The following CECR2 variants were observed in gnomAD, a reference collection of about 807,000 sequenced individuals.
CECR2 encodes the protein chromatin remodeling regulator CECR2.
In CECR2, 30 loss-of-function variants were observed where a neutral mutation model predicts 154.5. That is an observed-to-expected ratio of 0.19 (90% CI 0.15 to 0.26). The LOEUF (loss-of-function observed/expected upper bound fraction) is 0.26, where lower values mean the gene tolerates loss of function less well. Ranked by LOEUF, CECR2 falls within the 10% of genes least tolerant of loss-of-function variation. CECR2 has a pLI of 1.00. For synonymous variants in CECR2, 725 were observed against 683.7 expected, an observed-to-expected ratio of 1.06 and a Z score of -0.94; for missense variants, 1,743 against 1,829.3, an observed-to-expected ratio of 0.95 and a Z score of 0.86.
intron 16 of CECR2, among the ~76,000 whole-genome samples, chr22:17,544,696 G>A (rs926232561): frequency 6.7e-6 from 1 of 148,546 alleles, no homozygotes; most frequent in African/African-American, 2.5e-5. Flanking sequence ...TGTAGTCCCA[G>A]CTACTCAGGG....
intron 1 of CECR2, among the ~76,000 whole-genome samples, chr22:17,466,358 T>G (rs2055032194): frequency 6.6e-6 from 1 of 152,236 alleles, no homozygotes. Flanking sequence ...TACTCAAAAT[T>G]AAAACAATTG....
chr22:17,462,505 C>T (rs1218723818), intron 1 of CECR2, among the ~76,000 whole-genome samples: 2 of 152,102 alleles, frequency 1.3e-5, no homozygotes, highest in Non-Finnish European at 2.9e-5. Flanking sequence ...GGCTTCTACA[C>T]GAAAGCAATA....
At chr22:17,493,590 C>T (rs2055568960) in intron 2 of CECR2, among the ~76,000 whole-genome samples, 1 of 152,188 alleles carries the variant, frequency 6.6e-6, no homozygotes. Flanking sequence ...TGTAGGCCCT[C>T]AGGTGTCTCC....
At chr22:17,382,171 TGA>T (rs2063205064) in intron 1 of CECR2, among the ~76,000 whole-genome samples, 1 of 151,840 alleles carries the variant, frequency 6.6e-6, no homozygotes. Flanking sequence ...ATTACAGGCG[TGA>T]GCCACTGTGC....
At chr22:17,497,779 T>C (rs1041717596) in intron 3 of CECR2, among the ~76,000 whole-genome samples, 193 bp downstream of exon 3, 3 of 152,192 alleles carry the variant, frequency 2.0e-5, no homozygotes, top group African/African-American at 7.2e-5. Context: ...TGTACATCCC[T>C]ATGGAAGTAC....
At chr22:17,401,408 A>G (rs1382673397) in intron 1 of CECR2, among the ~76,000 whole-genome samples, 1 of 152,190 alleles carries the variant, frequency 6.6e-6, no homozygotes, top group Non-Finnish European at 1.5e-5. Context: ...CAAGACGAAC[A>G]TGTCCGCCAA....
At chr22:17,400,995 G>C (rs2053883355) in intron 1 of CECR2, among the ~76,000 whole-genome samples, 1 of 152,090 alleles carries the variant, frequency 6.6e-6, no homozygotes, top group Non-Finnish European at 1.5e-5. Context: ...TTGAACTCCT[G>C]GGCTCAGGAG....
upstream of CECR2, among the ~76,000 whole-genome samples, chr22:17,368,145 TA>T (rs1222373683): frequency 6.6e-6 from 1 of 150,874 alleles, no homozygotes; most frequent in Non-Finnish European, 1.5e-5. Context: ...AATGCTGCCT[TA>T]AAAAATACAA....
chr22:17,492,871 C>T (rs978506290), intron 2 of CECR2, among the ~76,000 whole-genome samples: 1 of 152,172 alleles, frequency 6.6e-6, no homozygotes, highest in Non-Finnish European at 1.5e-5. Context: ...AATGAATGTT[C>T]CAGGTAATCT....
intron 7 of CECR2, among the ~76,000 whole-genome samples, chr22:17,507,116 A>G (rs2055861834): frequency 6.6e-6 from 1 of 152,246 alleles, no homozygotes; most frequent in Non-Finnish European, 1.5e-5. Flanking sequence ...TCATCACTGC[A>G]GTACCTACAG....
At chr22:17,437,104 T>C (rs1177754025) in intron 1 of CECR2, among the ~76,000 whole-genome samples, 3 of 152,070 alleles carry the variant, frequency 2.0e-5, no homozygotes, top group Non-Finnish European at 2.9e-5. Context: ...AGAGATGCTG[T>C]TGGGTTGTCT....
At chr22:17,532,530 C>A (rs1251789077) in intron 9 of CECR2, among the ~76,000 whole-genome samples, 1 of 151,916 alleles carries the variant, frequency 6.6e-6, no homozygotes, top group African/African-American at 2.4e-5. Flanking sequence ...ACAAGGATTT[C>A]CTCTATTGTT....
rs1569127896 is a variant in CECR2, at chr22:17,504,951, C to T, written c.805C>T (p.Arg269Trp). The T allele has an allele frequency of 6.2e-6, 10 of 1,613,626 alleles. No individual in the cohort carries two copies. The highest frequency in any genetic ancestry group is 4.5e-5 in the East Asian group (2 of 44,880). Residue 269 changes from arginine to tryptophan, a missense_variant, in exon 7 of 19, where the codon CGG becomes TGG. By Grantham distance (101) the Arg-to-Trp change is moderately radical. This residue lies in a region of CECR2 where 292 missense variants were observed against 301.2 expected (regional missense o/e 0.97). Coordinates refer to ENST00000262608, the MANE Select transcript of CECR2 (RefSeq NM_001290047.2). ...SFRERTSLRERQLYKLLSEDF... is the reference protein window; with the variant it reads ...SFRERTSLREWQLYKLLSEDF... ...TCGCGAGAGGACCTCCCTTCGAGAACGGCAGCTCTACAAGCTCCTCAGTGA... is the reference window on the plus strand; with the variant it reads ...TCGCGAGAGGACCTCCCTTCGAGAATGGCAGCTCTACAAGCTCCTCAGTGA...
intron 1 of CECR2, among the ~76,000 whole-genome samples, chr22:17,413,645 A>G (rs1023742373): frequency 2.6e-5 from 4 of 151,810 alleles, no homozygotes. Flanking sequence ...TCCAAATTTC[A>G]TGTGCATTTG....
intron 1 of CECR2, among the ~76,000 whole-genome samples, chr22:17,385,910 G>GATGAC (rs751084689): frequency 1.2e-4 from 18 of 152,206 alleles, no homozygotes; most frequent in Middle Eastern, 3.2e-3. Flanking sequence ...GGTGGGACTG[G>GATGAC]ATGACCCCCA....
intron 18 of CECR2, among the ~76,000 whole-genome samples, chr22:17,552,601 T>C (rs1014608880): frequency 5.3e-5 from 8 of 152,014 alleles, no homozygotes; most frequent in Non-Finnish European, 1.0e-4. Flanking sequence ...ATTGGCTGCA[T>C]CATCATCATT....
intron 7 of CECR2, among the ~76,000 whole-genome samples, chr22:17,505,534 CTTTTTTTTTTTTTTT>C (rs11387639): frequency 5.1e-5 from 5 of 98,844 alleles, no homozygotes; most frequent in Admixed American, 4.9e-4. Context: ...CCTCTTTTTC[CTTTTTTTTTTTTTTT>C]TTTTTTTTGA....
At chr22:17,495,655 A>G (rs146247085) in intron 2 of CECR2, among the ~76,000 whole-genome samples, 7,816 of 150,914 alleles carry the variant, frequency 0.052, 272 homozygotes, top group Non-Finnish European at 0.076. Context: ...GAGGTCAGGA[A>G]ATCGAGACCA....
intron 1 of CECR2, among the ~76,000 whole-genome samples, chr22:17,447,355 G>A (rs557081673): frequency 2.3e-3 from 353 of 152,038 alleles, no homozygotes; most frequent in Non-Finnish European, 4.2e-3. Flanking sequence ...GGGTTTCATC[G>A]TGTTATCCAG....
Sources: gnomAD v4.1 joint callset for allele counts (sites outside exome capture counted in the v4.1 genomes callset) on GRCh38, gnomAD v4.1.1 for gene constraint, gnomAD v4.1.1 regional missense constraint, MANE v1.5 for transcripts, NCBI Gene and HGNC (gene_info 2026-07-23, HGNC 2026-07-21) for gene names.